CCDC7: variants seen among roughly 807,000 people sequenced by gnomAD.
The protein encoded by CCDC7 is coiled-coil domain-containing protein 7.
Under a neutral mutation model 196.9 loss-of-function variants are expected in CCDC7, and 183 were observed. That is an observed-to-expected ratio of 0.93 (90% CI 0.82 to 1.05). The LOEUF (loss-of-function observed/expected upper bound fraction) is 1.05. CCDC7 is among the 50% of genes least tolerant of loss of function. The pLI, the probability that CCDC7 is intolerant of heterozygous loss-of-function variation, is 0.00. For synonymous variants in CCDC7, 525 were observed against 484.6 expected (o/e 1.08, Z -1.10); for missense variants, 1,540 against 1,482.2 (o/e 1.04, Z -0.64).
intron 24 of CCDC7, among the ~76,000 whole-genome samples, chr10:32,697,305 G>A (rs896361129): frequency 2.9e-4 from 44 of 152,130 alleles, no homozygotes; most frequent in African/African-American, 8.9e-4. Flanking sequence ...CTGAGGTACC[G>A]AGTTCATCTC....
At chr10:32,550,623 G>GT (rs1487049777) in intron 13 of CCDC7, among the ~76,000 whole-genome samples, 1 of 152,026 alleles carries the variant, frequency 6.6e-6, no homozygotes, top group African/African-American at 2.4e-5. Context: ...GCTGGATTTT[G>GT]TTGAATGATT....
chr10:32,539,804 C>A (rs2051109816), intron 11 of CCDC7, among the ~76,000 whole-genome samples: 1 of 152,076 alleles, frequency 6.6e-6, no homozygotes, highest in Non-Finnish European at 1.5e-5. Context: ...TGTTTAATTT[C>A]CGCATAATTG....
chr10:32,484,388 G>T (rs1203057150), intron 8 of CCDC7, among the ~76,000 whole-genome samples: 2 of 152,214 alleles, frequency 1.3e-5, no homozygotes, highest in Admixed American at 6.5e-5. Flanking sequence ...AGCTTAAGGA[G>T]ATTTTGGGCT....
intron 11 of CCDC7, among the ~76,000 whole-genome samples, chr10:32,539,590 T>G (rs1242508549): frequency 1.3e-5 from 2 of 152,178 alleles, no homozygotes; most frequent in African/African-American, 4.8e-5. Flanking sequence ...CTTCTTCTTC[T>G]AGTTGTGATG....
chr10:32,600,338 T>C (rs1428743021), intron 18 of CCDC7, among the ~76,000 whole-genome samples: 1 of 151,432 alleles, frequency 6.6e-6, no homozygotes, highest in Non-Finnish European at 1.5e-5. Context: ...AAAGATTGAG[T>C]TCTTGATTTG....
chr10:32,696,259 T>A (rs563429701), intron 24 of CCDC7, among the ~76,000 whole-genome samples: 1 of 152,272 alleles, frequency 6.6e-6, no homozygotes, highest in South Asian at 2.1e-4. Flanking sequence ...CAGATCAGGA[T>A]GTTGGTGGTG....
At chr10:32,565,458 A>T (rs1210655736) in intron 13 of CCDC7, 100 bp from the exon 15 acceptor site, 1 of 1,217,926 alleles carries the variant, frequency 8.2e-7, no homozygotes, top group Non-Finnish European at 1.1e-6. Context: ...CTCAATTCTT[A>T]TCTTGGGTAT....
At chr10:32,573,874 G>A (rs553813229) in intron 16 of CCDC7, among the ~76,000 whole-genome samples, 1 of 152,246 alleles carries the variant, frequency 6.6e-6, no homozygotes, top group South Asian at 2.1e-4. Context: ...GGGATATAAA[G>A]GGCTTCAAAT....
chr10:32,807,767 A>G (rs1252480194), intron 30 of CCDC7, among the ~76,000 whole-genome samples: 2 of 151,908 alleles, frequency 1.3e-5, no homozygotes, highest in South Asian at 2.1e-4. Context: ...TGAGTCACAC[A>G]CACACACCGT....
chr10:32,473,012 A>C (rs1053603975), intron 7 of CCDC7, among the ~76,000 whole-genome samples: 2 of 152,208 alleles, frequency 1.3e-5, no homozygotes, highest in African/African-American at 4.8e-5. Flanking sequence ...AGTGAGTTTG[A>C]TATTTTAATA....
At chr10:32,599,946 A>T (rs187003501) in intron 18 of CCDC7, among the ~76,000 whole-genome samples, 6 of 152,184 alleles carry the variant, frequency 3.9e-5, no homozygotes, top group African/African-American at 1.4e-4. Context: ...TTTGTTGAAG[A>T]TTAGTTTGTT....
At chr10:32,528,930 T>G (rs2049186185) in intron 11 of CCDC7, among the ~76,000 whole-genome samples, 1 of 151,986 alleles carries the variant, frequency 6.6e-6, no homozygotes, top group Non-Finnish European at 1.5e-5. Flanking sequence ...TAATGACTTC[T>G]TTTCCTCTGG....
intron 13 of CCDC7, among the ~76,000 whole-genome samples, chr10:32,558,577 C>T (rs915527893): frequency 6.6e-5 from 10 of 152,122 alleles, no homozygotes; most frequent in African/African-American, 2.4e-4. Context: ...TTGAATGGCT[C>T]AGATAGGGAT....
intron 29 of CCDC7, among the ~76,000 whole-genome samples, chr10:32,780,615 A>G (rs2080895596): frequency 2.6e-5 from 4 of 152,190 alleles, no homozygotes; most frequent in Admixed American, 2.0e-4. Flanking sequence ...GGTAATCACA[A>G]AGAAAATATC....
At chr10:32,634,075 A>G in intron 18 of CCDC7, among the ~76,000 whole-genome samples, 179 bp from the exon 20 acceptor site, 1 of 152,112 alleles carries the variant, frequency 6.6e-6, no homozygotes, top group East Asian at 1.9e-4. Context: ...AAACAGCAAC[A>G]TACACCTATT....
chr10:32,765,039 C>T (rs757170446), intron 28 of CCDC7, among the ~76,000 whole-genome samples: 2 of 151,924 alleles, frequency 1.3e-5, no homozygotes, highest in Non-Finnish European at 2.9e-5. Context: ...AGTTCTAGAT[C>T]AAGTGGACAA....
At chr10:32,639,903 C>T (rs930376818) in intron 20 of CCDC7, among the ~76,000 whole-genome samples, 1 of 152,182 alleles carries the variant, frequency 6.6e-6, no homozygotes, top group African/African-American at 2.4e-5. Context: ...AAGCGTGAGC[C>T]ACTGCACCCG....
At chr10:32,539,294 T>C (rs1171783485) in intron 11 of CCDC7, among the ~76,000 whole-genome samples, 1 of 152,136 alleles carries the variant, frequency 6.6e-6, no homozygotes, top group Non-Finnish European at 1.5e-5. Flanking sequence ...ATTTCTAGTA[T>C]AGATTTTCTG....
intron 29 of CCDC7, among the ~76,000 whole-genome samples, chr10:32,787,796 C>T: frequency 6.6e-6 from 1 of 152,182 alleles, no homozygotes; most frequent in East Asian, 1.9e-4. Flanking sequence ...TCTAGCAGTC[C>T]CAGCTCCAGG....
Sources: gnomAD v4.1 joint callset for allele counts (sites outside exome capture counted in the v4.1 genomes callset) on GRCh38, gnomAD v4.1.1 for gene constraint, MANE v1.5 for transcripts, NCBI Gene and HGNC (gene_info 2026-07-23, HGNC 2026-07-21) for gene names.